The following NDUFA10 variants were observed in gnomAD, a reference collection of about 807,000 sequenced individuals.
NDUFA10 encodes the protein NADH:ubiquinone oxidoreductase subunit A10.
In NDUFA10, 40 loss-of-function variants were observed where a neutral mutation model predicts 47.8. That is an observed-to-expected ratio of 0.84 (90% confidence interval 0.65 to 1.09). NDUFA10 has a LOEUF of 1.09. Ranked by LOEUF, NDUFA10 falls within the 50% of genes least tolerant of loss-of-function variation. The pLI is 0.00. For missense variants in NDUFA10, 413 were observed against 451.1 expected (o/e 0.92, Z 0.76); for synonymous variants, 183 against 172.2 (o/e 1.06, Z -0.49).
intron 4 of NDUFA10, chr2:240,017,998 C>A: frequency 1.9e-6 from 2 of 1,058,816 alleles, no homozygotes; most frequent in South Asian, 1.4e-5. Context: ...CCAACCCCAC[C>A]CTGACTCCTC....
At chr2:239,952,570 T>C (rs989591064), downstream of NDUFA10, among the ~76,000 whole-genome samples, 34 of 152,178 alleles carry the variant, frequency 2.2e-4, no homozygotes, top group East Asian at 3.9e-4. Flanking sequence ...TCTGGGTTTT[T>C]TGAACTTCCA....
intron 8 of NDUFA10, among the ~76,000 whole-genome samples, chr2:240,004,492 C>A (rs1486725209): frequency 6.7e-6 from 1 of 148,868 alleles, no homozygotes; most frequent in African/African-American, 2.4e-5. Context: ...ACCTATCCGC[C>A]TTCTGCTGTG....
intron 9 of NDUFA10, among the ~76,000 whole-genome samples, chr2:239,973,823 G>C (rs1695400580): frequency 6.6e-6 from 1 of 152,110 alleles, no homozygotes. Flanking sequence ...GTCAATTCCG[G>C]GCACAAAATG....
At chr2:239,967,882 C>A (rs749335150) in intron 9 of NDUFA10, among the ~76,000 whole-genome samples, 5 of 152,146 alleles carry the variant, frequency 3.3e-5, no homozygotes, top group Non-Finnish European at 5.9e-5. Context: ...AATGAGGTTT[C>A]TCCCAGGCTC....
chr2:239,904,304 A>G (rs1250851621), intron 4 of NDUFA10, among the ~76,000 whole-genome samples: 2 of 151,624 alleles, frequency 1.3e-5, no homozygotes, highest in Non-Finnish European at 2.9e-5. Context: ...TTTATTCGTT[A>G]TACATATTTT....
intron 4 of NDUFA10, among the ~76,000 whole-genome samples, chr2:239,936,898 T>C (rs1694275004): frequency 6.6e-6 from 1 of 152,180 alleles, no homozygotes; most frequent in Non-Finnish European, 1.5e-5. Context: ...AGGCGGAGGT[T>C]GCAGTGAGCC....
In NDUFA10 at chr2:240,025,304, C is replaced by CT; in HGVS notation, c.-4dup. On this transcript the variant is annotated 5_prime_UTR_variant, in exon 1 of 10. Coordinates refer to ENST00000252711, the MANE Select transcript of NDUFA10 (RefSeq NM_004544.4). Reference sequence around the variant, plus strand: ...AGCTTCAGGAGCCGCAAGGCCATGGCTACCCGGTCAGCTCAGGATCAAGGA... The same window carrying CT: ...AGCTTCAGGAGCCGCAAGGCCATGGCTTACCCGGTCAGCTCAGGATCAAGGA... 1 of 1,505,976 alleles carries CT rather than the reference C, an allele frequency of 6.6e-7. No individual in the cohort carries two copies. Among genetic ancestry groups the CT allele is most frequent in the Non-Finnish European group, 8.8e-7 (1 of 1,130,956 alleles). The allele number at this position is 1,505,976 out of a possible 1,614,324, so 93.3% of individuals were successfully genotyped here.
At position 239,959,912 on chromosome 2, in the gene NDUFA10, C is replaced by T. The variant is rs192203978; in HGVS notation, c.*1206G>A. On this transcript the variant is annotated 3_prime_UTR_variant, in exon 10 of 10. Coordinates refer to ENST00000252711, the MANE Select transcript of NDUFA10 (RefSeq NM_004544.4). ...GAGTGTGCATCTTCTTCGCATGCTC[C>T]GCAGCAGCGAGGCCTGGTAGAGCTT... is the stretch of plus-strand genomic sequence containing the variant. The T allele has an allele frequency of 6.4e-5, 63 of 985,470 alleles. 1 individual carries two copies. In the African/African-American group the frequency reaches 9.2e-4, roughly 14 times the overall value. 61.0% of individuals were successfully genotyped at this position (985,470 alleles called of 1,614,324 possible).
At chr2:239,957,294 G>C (rs186201205), downstream of NDUFA10, 1 of 152,320 alleles carries the variant, frequency 6.6e-6, no homozygotes, top group East Asian at 1.9e-4. Context: ...AAACCCACAT[G>C]ACCACGCGTA....
At chr2:239,909,194 G>T (rs1693704652) in intron 4 of NDUFA10, among the ~76,000 whole-genome samples, 1 of 147,270 alleles carries the variant, frequency 6.8e-6, no homozygotes, top group South Asian at 2.1e-4. Context: ...CAAAACCAAA[G>T]TGGGGTCTTA....
intron 9 of NDUFA10, chr2:239,983,691 C>A: frequency 6.4e-7 from 1 of 1,573,776 alleles, no homozygotes; most frequent in Non-Finnish European, 8.6e-7. Flanking sequence ...TGGATTCCTC[C>A]CCAAAACACA....
Position 239,950,041 on chromosome 2 carries a change from G to A in NDUFA10, c.294+40033C>T, listed in dbSNP as rs567184410. 3.3e-5 allele frequency among the ~76,000 whole-genome samples: 5 copies of A among 152,268 alleles called. No homozygotes were observed. The East Asian group carries it at 9.7e-4, about 29-fold the overall frequency. On this transcript the variant is annotated intron_variant, in intron 4 of 5. Coordinates refer to the NDUFA10 transcript ENST00000419408. ...GCCTATTTTCTTACGTACATAATGG[G>A]AGAAAAATCAGGCCGTCCCCACCTG...
chr2:239,946,962 G>A (rs1329989996), intron 4 of NDUFA10, among the ~76,000 whole-genome samples: 1 of 152,250 alleles, frequency 6.6e-6, no homozygotes, highest in Non-Finnish European at 1.5e-5. Context: ...CGGAAGGAGG[G>A]AACCCTGCGT....
intron 4 of NDUFA10, among the ~76,000 whole-genome samples, chr2:239,919,509 C>T (rs192914745): frequency 7.7e-5 from 11 of 143,644 alleles, no homozygotes; most frequent in Admixed American, 6.7e-5. Context: ...AGTGGGCATG[C>T]GGAACGGGGT....
At chr2:240,025,065 C>T (rs1168052598) in intron 1 of NDUFA10, among the ~76,000 whole-genome samples, 162 bp downstream of exon 1, 1 of 152,088 alleles carries the variant, frequency 6.6e-6, no homozygotes, top group Non-Finnish European at 1.5e-5. Context: ...TGTCCACGAC[C>T]AAAGACCAAA....
Position 239,958,768 on chromosome 2 carries a change from C to T in NDUFA10, c.*2350G>A, listed in dbSNP as rs1218747092. On this transcript the variant is annotated 3_prime_UTR_variant, in exon 10 of 10. Coordinates refer to ENST00000252711, the MANE Select transcript of NDUFA10 (RefSeq NM_004544.4). ...AAGATACGTTAGAAAAAAACAAGGACTTTCTTTTCAATACAGAATTCTCAT... is the reference window on the plus strand; with the variant it reads ...AAGATACGTTAGAAAAAAACAAGGATTTTCTTTTCAATACAGAATTCTCAT... The T allele has an allele frequency of 7.7e-6, 2 of 260,706 alleles. No homozygotes were observed. The highest frequency in any genetic ancestry group is 1.2e-5 in the Non-Finnish European group (2 of 167,224). The allele number at this position is 260,706 out of a possible 1,614,324, so 16.1% of individuals were successfully genotyped here.
At chr2:239,938,249 C>T (rs1694300572) in intron 4 of NDUFA10, among the ~76,000 whole-genome samples, 2 of 152,172 alleles carry the variant, frequency 1.3e-5, no homozygotes, top group Admixed American at 6.6e-5. Context: ...TGGAATAAAC[C>T]TGTAGCGTGG....
chr2:239,983,852 T>C (rs1409186250), intron 9 of NDUFA10: 1 of 1,398,680 alleles, frequency 7.1e-7, no homozygotes, highest in East Asian at 2.5e-5. Context: ...CCCAATGTCA[T>C]GTGATATTCT....
intron 9 of NDUFA10, among the ~76,000 whole-genome samples, chr2:239,977,076 T>A (rs1695552107): frequency 6.6e-6 from 1 of 152,040 alleles, no homozygotes; most frequent in South Asian, 2.1e-4. Context: ...CTGGGAAACC[T>A]TCCCCCGCCA....
Sources: allele counts gnomAD v4.1 joint callset (sites outside exome capture counted in the v4.1 genomes callset), GRCh38; gene constraint gnomAD v4.1.1; transcripts MANE v1.5; gene names NCBI Gene and HGNC (gene_info 2026-07-23, HGNC 2026-07-21).